COL6A6: variants seen among roughly 807,000 people sequenced by gnomAD.
COL6A6 encodes the protein collagen alpha-6(VI) chain.
A neutral mutation model predicts 208.6 loss-of-function variants in COL6A6; 183 were observed. That is an observed-to-expected ratio of 0.88 (90% CI 0.78 to 0.99). COL6A6 has a LOEUF of 0.99. Among genes scored for constraint, COL6A6 ranks in the 50% least tolerant of loss-of-function variants. The probability of loss-of-function intolerance (pLI) is 0.00; values close to 1 mark genes in which losing one functional copy is unlikely to be tolerated. For missense variants in COL6A6, 2,816 were observed against 2,815.2 expected (o/e 1.00, Z -0.01); for synonymous variants, 973 against 1,011.8 (o/e 0.96, Z 0.73).
intron 17 of COL6A6, among the ~76,000 whole-genome samples, chr3:130,593,999 A>T (rs1235426054): frequency 2.0e-5 from 3 of 152,218 alleles, no homozygotes; most frequent in African/African-American, 7.2e-5. Flanking sequence ...TATAAAAGAA[A>T]GATAATAAGG....
intron 29 of COL6A6, among the ~76,000 whole-genome samples, chr3:130,642,603 G>C (rs142123233): frequency 6.6e-5 from 10 of 152,082 alleles, no homozygotes; most frequent in Non-Finnish European, 1.0e-4. Flanking sequence ...GGAGGAAAGC[G>C]GCCTCTCAAG....
chr3:130,571,715 C>T (rs1248977248), intron 7 of COL6A6, among the ~76,000 whole-genome samples: 1 of 152,016 alleles, frequency 6.6e-6, no homozygotes, highest in Non-Finnish European at 1.5e-5. Flanking sequence ...TGCTCTGTTG[C>T]CCAGGCTGGA....
intron 1 of COL6A6, among the ~76,000 whole-genome samples, chr3:130,518,003 A>G (rs1034050815): frequency 6.6e-6 from 1 of 152,242 alleles, no homozygotes; most frequent in Non-Finnish European, 1.5e-5. Flanking sequence ...TACCTGGCTC[A>G]GTATCAACCA....
intron 1 of COL6A6, among the ~76,000 whole-genome samples, chr3:130,524,761 G>C (rs6794807): frequency 6.6e-6 from 1 of 152,176 alleles, no homozygotes; most frequent in Non-Finnish European, 1.5e-5. Context: ...AGCAAAAGTT[G>C]TTAAGTTGGG....
chr3:130,659,235 G>C (rs1408256857), intron 34 of COL6A6, among the ~76,000 whole-genome samples: 1 of 152,106 alleles, frequency 6.6e-6, no homozygotes, highest in South Asian at 2.1e-4. Flanking sequence ...TTGAAAAAAG[G>C]CTTCATAGAC....
At chr3:130,586,351 T>G (rs1429993782) in intron 10 of COL6A6, among the ~76,000 whole-genome samples, 155 bp from the exon 11 acceptor site, 3 of 152,264 alleles carry the variant, frequency 2.0e-5, no homozygotes, top group African/African-American at 7.2e-5. Context: ...GTCTTGTCAC[T>G]TGTCAGGTTT....
intron 2 of COL6A6, among the ~76,000 whole-genome samples, chr3:130,561,501 C>G (rs1049063771): frequency 1.3e-5 from 2 of 152,174 alleles, no homozygotes; most frequent in African/African-American, 4.8e-5. Flanking sequence ...TCTGCCAAAG[C>G]TGGTTTCCCA....
At chr3:130,642,929 A>G in intron 30 of COL6A6, 58 bp from the exon 31 acceptor site, 2 of 1,613,136 alleles carry the variant, frequency 1.2e-6, no homozygotes, top group Non-Finnish European at 1.7e-6. Context: ...CTTATTTTTA[A>G]ACCTCAGGGC....
chr3:130,619,238 A>G (rs756168664), intron 23 of COL6A6, among the ~76,000 whole-genome samples: 16 of 152,184 alleles, frequency 1.1e-4, no homozygotes, highest in Non-Finnish European at 1.5e-5. Context: ...CGGGGGGACA[A>G]GCATGAGACC....
At chr3:130,612,510 A>G (rs2064389099) in intron 23 of COL6A6, among the ~76,000 whole-genome samples, 1 of 152,120 alleles carries the variant, frequency 6.6e-6, no homozygotes, top group Non-Finnish European at 1.5e-5. Flanking sequence ...TAATTTCTCT[A>G]ATCAGTGATT....
intron 32 of COL6A6, among the ~76,000 whole-genome samples, chr3:130,646,883 T>G (rs866397464): frequency 2.0e-5 from 3 of 152,252 alleles, no homozygotes; most frequent in African/African-American, 7.2e-5. Context: ...CTTGGGCTGC[T>G]ATGGGGAGAG....
intron 1 of COL6A6, among the ~76,000 whole-genome samples, chr3:130,540,264 A>G (rs1472238092): frequency 1.3e-5 from 2 of 152,172 alleles, no homozygotes; most frequent in Non-Finnish European, 2.9e-5. Flanking sequence ...TATCACACAT[A>G]CATAGCCTCC....
chr3:130,574,476 G>C lies in COL6A6; in HGVS notation c.3498G>C (p.Lys1166Asn). 1.2e-6 allele frequency: 2 copies of C among 1,614,010 alleles called. No homozygotes were observed. The highest frequency in any genetic ancestry group is 1.7e-6 in the Non-Finnish European group (2 of 1,179,898). The change falls in exon 8 of 37, where the codon AAG (lysine) becomes AAC (asparagine). Residue 1166 changes from lysine (K) to asparagine (N), a missense_variant. Coordinates refer to ENST00000358511, the MANE Select transcript of COL6A6 (RefSeq NM_001102608.3). ...LTVHNFDELK[K>N]VNKRIVRNIC... Reference sequence around the variant, plus strand: ...TGCACAACTTCGATGAACTGAAGAAGGTCAATAAAAGGATCGTTCGCAACA... The same window carrying C: ...TGCACAACTTCGATGAACTGAAGAACGTCAATAAAAGGATCGTTCGCAACA...
chr3:130,531,010 TC>T (rs2062068887), intron 1 of COL6A6, among the ~76,000 whole-genome samples: 1 of 115,842 alleles, frequency 8.6e-6, no homozygotes. Context: ...TCCACCCCCC[TC>T]CTCTACACAC....
chr3:130,608,563 G>C (rs1185773100), intron 21 of COL6A6, among the ~76,000 whole-genome samples: 1 of 151,848 alleles, frequency 6.6e-6, no homozygotes, highest in Non-Finnish European at 1.5e-5. Context: ...AAGAAAATGT[G>C]AACTAAATTT....
chr3:130,582,748 C>T (rs2063453955), intron 10 of COL6A6, among the ~76,000 whole-genome samples: 1 of 152,204 alleles, frequency 6.6e-6, no homozygotes, highest in South Asian at 2.1e-4. Flanking sequence ...CCTTTACTGG[C>T]AGATTCACCT....
Position 130,649,243 on chromosome 3 carries a change from A to G in COL6A6, c.5414A>G (p.Tyr1805Cys), listed in dbSNP as rs1064797298. The change falls in exon 33 of 37, where the codon TAT becomes TGT. Residue 1805 changes from tyrosine (Y) to cysteine (C), a missense_variant. Coordinates refer to ENST00000358511, the MANE Select transcript of COL6A6 (RefSeq NM_001102608.3). ...PVGAHIAILS[Y>C]NSHARHLVRF... Reference sequence around the variant, plus strand: ...GGAGCGCACATCGCCATCCTCTCCTATAACTCCCACGCCAGGCACCTTGTG... The same window carrying G: ...GGAGCGCACATCGCCATCCTCTCCTGTAACTCCCACGCCAGGCACCTTGTG... 11 of 1,594,466 alleles carry G rather than the reference A, an allele frequency of 6.9e-6. No homozygotes were observed. Among genetic ancestry groups the G allele is most frequent in the South Asian group, 4.6e-5 (4 of 87,540 alleles).
In COL6A6 at chr3:130,642,856, G is replaced by T; in HGVS notation, c.5179G>T (p.Ala1727Ser). 1 of 1,613,928 alleles carries T rather than the reference G, an allele frequency of 6.2e-7. No individual in the cohort carries two copies. Among genetic ancestry groups the T allele is most frequent in the Non-Finnish European group, 8.5e-7 (1 of 1,179,850 alleles). The change falls in exon 30 of 37, where the codon GCT becomes TCT. Residue 1727 changes from alanine to serine, a missense_variant. Ala to Ser is a moderately conservative substitution (Grantham distance 99, BLOSUM62 1). Coordinates refer to ENST00000358511, the MANE Select transcript of COL6A6 (RefSeq NM_001102608.3). Reference protein sequence around the residue: ...RKGVKGAKGLASFSTCELIQY... With the variant: ...RKGVKGAKGLSSFSTCELIQY... Reference sequence around the variant, plus strand: ...GGGTGTGAAAGGAGCCAAAGGCTTGGCTTCATTTTCTGTACGTATCTCCCG... The same window carrying T: ...GGGTGTGAAAGGAGCCAAAGGCTTGTCTTCATTTTCTGTACGTATCTCCCG...
intron 2 of COL6A6, 123 bp from the exon 3 acceptor site, chr3:130,562,945 G>A (rs1031130076): frequency 1.2e-5 from 8 of 645,400 alleles, no homozygotes; most frequent in East Asian, 2.6e-5. Context: ...TATTATTTTC[G>A]GTTTATTGGG....
Sources: gnomAD v4.1 joint callset for allele counts (sites outside exome capture counted in the v4.1 genomes callset) on GRCh38, gnomAD v4.1.1 for gene constraint, MANE v1.5 for transcripts, NCBI Gene and HGNC (gene_info 2026-07-23, HGNC 2026-07-21) for gene names.